MRPL1: variants seen among roughly 807,000 people sequenced by gnomAD.
MRPL1 encodes mitochondrial ribosomal protein L1, also known as large ribosomal subunit protein uL1m.
In MRPL1, 28 loss-of-function variants were observed where a neutral mutation model predicts 38.0. That is an observed-to-expected ratio of 0.74 (90% CI 0.55 to 1.01). The LOEUF is 1.01. Ranked by LOEUF, MRPL1 falls within the 50% of genes least tolerant of loss-of-function variation. The probability of loss-of-function intolerance (pLI) is 0.00; values close to 1 mark genes in which losing one functional copy is unlikely to be tolerated. For missense variants in MRPL1, 358 were observed against 389.8 expected (o/e 0.92, Z 0.69); for synonymous variants, 123 against 126.7 (o/e 0.97, Z 0.20).
intron 7 of MRPL1, among the ~76,000 whole-genome samples, chr4:77,912,161 G>T (rs1736305496): frequency 6.6e-6 from 1 of 152,152 alleles, no homozygotes; most frequent in Admixed American, 6.5e-5. Flanking sequence ...ACTGAATGTT[G>T]CATTTCTCCT....
intron 6 of MRPL1, among the ~76,000 whole-genome samples, chr4:77,905,496 C>CAAAAAAA (rs374398968): frequency 4.9e-4 from 31 of 63,364 alleles, no homozygotes; most frequent in African/African-American, 7.5e-4. Context: ...GACTCCGTCT[C>CAAAAAAA]AAAAAAAAAA....
At chr4:77,909,508 C>T (rs79595254) in intron 7 of MRPL1, 136 bp downstream of exon 7, 182 of 570,988 alleles carry the variant, frequency 3.2e-4, no homozygotes, top group African/African-American at 3.0e-3. Flanking sequence ...ATTAAACATA[C>T]GCATAGATAC....
chr4:77,895,105 C>T (rs1208614405), intron 6 of MRPL1, among the ~76,000 whole-genome samples: 1 of 152,030 alleles, frequency 6.6e-6, no homozygotes. Flanking sequence ...GGCTAATGAG[C>T]ATGAACATCT....
chr4:77,868,424 G>A (rs1735204391), intron 1 of MRPL1, among the ~76,000 whole-genome samples: 1 of 151,946 alleles, frequency 6.6e-6, no homozygotes, highest in Admixed American at 6.6e-5. Context: ...TGTATTTTTA[G>A]TAGAGACGGG....
At chr4:77,871,717 A>G (rs1172190470) in intron 1 of MRPL1, 27 bp from the exon 2 acceptor site, 1 of 1,037,078 alleles carries the variant, frequency 9.6e-7, no homozygotes, top group East Asian at 2.7e-5. Context: ...ATTTAATGTT[A>G]ATATTTTACA....
chr4:77,932,806 A>G (rs1736878061), intron 7 of MRPL1, among the ~76,000 whole-genome samples: 1 of 151,876 alleles, frequency 6.6e-6, no homozygotes, highest in African/African-American at 2.4e-5. Flanking sequence ...ATCATCCTGA[A>G]CCTCCCACCC....
chr4:77,874,792 T>G (rs1287488310), intron 2 of MRPL1, among the ~76,000 whole-genome samples: 1 of 151,108 alleles, frequency 6.6e-6, no homozygotes, highest in Non-Finnish European at 1.5e-5. Context: ...CTTTTTTTTT[T>G]TTTTTTGAGG....
At chr4:77,937,659 C>G (rs1737020437) in intron 7 of MRPL1, among the ~76,000 whole-genome samples, 1 of 152,260 alleles carries the variant, frequency 6.6e-6, no homozygotes, top group East Asian at 1.9e-4. Flanking sequence ...TCTGCTGCCT[C>G]TTGGGTTGGG....
At chr4:77,895,793 CT>C (rs1448333461) in intron 6 of MRPL1, among the ~76,000 whole-genome samples, 16 of 151,984 alleles carry the variant, frequency 1.1e-4, no homozygotes, top group African/African-American at 3.9e-4. Flanking sequence ...AGATTTTGAA[CT>C]GGTGTCTGGC....
At chr4:77,936,829 A>G (rs1455470924) in intron 7 of MRPL1, among the ~76,000 whole-genome samples, 1 of 152,186 alleles carries the variant, frequency 6.6e-6, no homozygotes. Flanking sequence ...TGTTTATTAA[A>G]AAATCTGAAT....
At chr4:77,888,498 G>C (rs536449930) in intron 5 of MRPL1, among the ~76,000 whole-genome samples, 75 of 152,118 alleles carry the variant, frequency 4.9e-4, no homozygotes, top group African/African-American at 1.6e-3. Context: ...GCGAGACTCT[G>C]TCTCCAAAAA....
At chr4:77,940,931 G>C (rs1737110923) in intron 7 of MRPL1, among the ~76,000 whole-genome samples, 1 of 152,138 alleles carries the variant, frequency 6.6e-6, no homozygotes, top group African/African-American at 2.4e-5. Context: ...TATACTGTTG[G>C]ATTTGGTCAG....
At chr4:77,926,910 A>G (rs536892771) in intron 7 of MRPL1, among the ~76,000 whole-genome samples, 2 of 152,024 alleles carry the variant, frequency 1.3e-5, no homozygotes, top group East Asian at 1.9e-4. Context: ...CATCTGGCCT[A>G]TAACTTGTTT....
chr4:77,936,106 A>G (rs932217922), intron 7 of MRPL1, among the ~76,000 whole-genome samples: 2 of 152,134 alleles, frequency 1.3e-5, no homozygotes, highest in Non-Finnish European at 2.9e-5. Flanking sequence ...AAAATCATTC[A>G]GAATTCCTGT....
intron 7 of MRPL1, among the ~76,000 whole-genome samples, chr4:77,922,205 A>G (rs548805393): frequency 1.3e-5 from 2 of 152,340 alleles, no homozygotes; most frequent in East Asian, 3.9e-4. Flanking sequence ...GAAATTTTAG[A>G]TAGGATATCT....
intron 7 of MRPL1, among the ~76,000 whole-genome samples, chr4:77,936,544 C>T (rs1736984708): frequency 6.6e-6 from 1 of 152,202 alleles, no homozygotes; most frequent in Non-Finnish European, 1.5e-5. Context: ...TCCAGCTCTC[C>T]ACCTGTTTTT....
intron 7 of MRPL1, among the ~76,000 whole-genome samples, chr4:77,929,391 T>G (rs1466120383): frequency 6.6e-6 from 1 of 152,226 alleles, no homozygotes; most frequent in African/African-American, 2.4e-5. Flanking sequence ...TAATTCCTTA[T>G]GAGTGTCATT....
At chr4:77,911,679 T>G (rs888144925) in intron 7 of MRPL1, among the ~76,000 whole-genome samples, 1 of 152,078 alleles carries the variant, frequency 6.6e-6, no homozygotes, top group African/African-American at 2.4e-5. Context: ...ATAGATGAGA[T>G]AATAACATAA....
Position 77,884,444 on chromosome 4 carries a change from C to T in MRPL1, c.403-812C>T, listed in dbSNP as rs1370178661. ...TAGAACTTGTTTCTCTGTAAAATCT[C>T]CCTGAGAGATCTAGGCCTCAGGCCT... On this transcript the variant is annotated intron_variant, in intron 3 of 8. Transcript: ENST00000315567. Among the ~76,000 whole-genome samples the T allele has an allele frequency of 2.0e-5, 3 of 152,192 alleles. No individual in the cohort carries two copies. The South Asian group carries it at 6.2e-4, about 32-fold the overall frequency.
Sources: allele counts gnomAD v4.1 joint callset (sites outside exome capture counted in the v4.1 genomes callset), GRCh38; gene constraint gnomAD v4.1.1; transcripts MANE v1.5; gene names NCBI Gene and HGNC (gene_info 2026-07-23, HGNC 2026-07-21).